Variants in PAM16 observed in about 807,000 individuals in gnomAD.
PAM16 encodes mitochondrial import inner membrane translocase subunit TIM16.
Under a neutral mutation model 17.9 loss-of-function variants are expected in PAM16, and 11 were observed. That is an observed-to-expected ratio of 0.62 (90% confidence interval 0.39 to 1.02). The LOEUF (loss-of-function observed/expected upper bound fraction) is 1.02. Ranked by LOEUF, PAM16 falls within the 50% of genes least tolerant of loss-of-function variation. PAM16 has a pLI of 0.01. For missense variants in PAM16, 199 were observed against 165.4 expected (o/e 1.20, Z -1.11); for synonymous variants, 72 against 67.4 (o/e 1.07, Z -0.34).
At chr16:4,340,444 T>C (rs2053625834) in intron 4 of PAM16, 39 bp from the exon 5 acceptor site, 4 of 1,600,400 alleles carry the variant, frequency 2.5e-6, no homozygotes, top group Non-Finnish European at 3.4e-6. Context: ...AGGCCAAGCC[T>C]CCGCCCCATA....
At chr16:4,350,663 G>A (rs1337536521) in intron 1 of PAM16, among the ~76,000 whole-genome samples, 1 of 152,166 alleles carries the variant, frequency 6.6e-6, no homozygotes, top group African/African-American at 2.4e-5. Context: ...GCCTCCCAGA[G>A]TGCTGGGATT....
rs748313088 is a variant in PAM16, at chr16:4,343,560, G to A, written c.4-269C>T. 529 of 1,404,320 alleles carry A rather than the reference G, an allele frequency of 3.8e-4. 1 individual carries two copies. The highest frequency in any genetic ancestry group is 4.6e-4 in the Non-Finnish European group (503 of 1,085,476). The allele number at this position is 1,404,320 out of a possible 1,614,324, so 87.0% of individuals were successfully genotyped here. On this transcript the variant is annotated intron_variant, in intron 1 of 4. Coordinates refer to ENST00000318059, the MANE Select transcript of PAM16 (RefSeq NM_016069.11). Reference sequence around the variant, plus strand: ...CCCCACCTCATCCTTCAGGAAAGGCGTAGAGGAGCAAGGCAAAGTGGCTGC... The same window carrying A: ...CCCCACCTCATCCTTCAGGAAAGGCATAGAGGAGCAAGGCAAAGTGGCTGC...
chr16:4,345,021 A>G (rs897778440), intron 1 of PAM16, among the ~76,000 whole-genome samples: 1 of 152,044 alleles, frequency 6.6e-6, no homozygotes, highest in African/African-American at 2.4e-5. Context: ...GGCCTGGGAA[A>G]GACTGGGAAT....
intron 1 of PAM16, 21 bp from the exon 2 acceptor site, chr16:4,343,312 C>A: frequency 6.3e-7 from 1 of 1,589,548 alleles, no homozygotes; most frequent in Non-Finnish European, 8.6e-7. Flanking sequence ...AGCAGGCACC[C>A]GGTTAGCAGG....
At chr16:4,341,054 G>A in intron 3 of PAM16, 69 bp from the exon 4 acceptor site, 24 of 1,588,334 alleles carry the variant, frequency 1.5e-5, no homozygotes, top group Non-Finnish European at 1.9e-5. Flanking sequence ...AGGCTATGTG[G>A]GGCCACGTGA....
At chr16:4,349,663 G>C (rs1371219296) in intron 1 of PAM16, among the ~76,000 whole-genome samples, 2 of 152,088 alleles carry the variant, frequency 1.3e-5, no homozygotes, top group African/African-American at 2.4e-5. Flanking sequence ...ACTACTTGGG[G>C]GTCTAAGGTA....
At chr16:4,348,665 T>C (rs2053796317) in intron 1 of PAM16, 1 of 152,282 alleles carries the variant, frequency 6.6e-6, no homozygotes, top group Non-Finnish European at 1.5e-5. Context: ...GCACTTTCTT[T>C]TTTTTTTGGA....
rs1435000577 is a variant in PAM16, at chr16:4,340,270, A to G, written c.*49T>C. The G allele has an allele frequency of 6.4e-7, 1 of 1,556,316 alleles. No individual in the cohort carries two copies. Among genetic ancestry groups the G allele is most frequent in the Non-Finnish European group, 8.8e-7 (1 of 1,139,958 alleles). ...GAGAAATGCAGAAAAGAAATTTATT[A>G]CCAAGCTATAAATTAGAGGCGGCGG... On this transcript the variant is annotated 3_prime_UTR_variant, in exon 5 of 5. Transcript: ENST00000318059.
At chr16:4,342,050 G>C (rs1204608575) in intron 2 of PAM16, among the ~76,000 whole-genome samples, 1 of 152,214 alleles carries the variant, frequency 6.6e-6, no homozygotes, top group Admixed American at 6.5e-5. Flanking sequence ...ATTCAACTCT[G>C]CCTTGAAAGC....
In PAM16 at chr16:4,343,199, A is replaced by G. The variant is rs920008825; in HGVS notation, c.88+8T>C. 8.1e-6 allele frequency: 13 copies of G among 1,612,226 alleles called. No individual in the cohort carries two copies. Among genetic ancestry groups the G allele is most frequent in the Middle Eastern group, 3.3e-4 (2 of 6,062 alleles). ...CCCAGCCCACAGGGGAGACGGACCC[A>G]TGCTTACCTGCAAACTCCTGCCGCA... On this transcript the variant is annotated splice_region_variant and intron_variant, in intron 2 of 4. Transcript: ENST00000318059.
intron 4 of PAM16, 84 bp from the exon 5 acceptor site, chr16:4,340,489 G>C: frequency 6.8e-7 from 1 of 1,473,098 alleles, no homozygotes; most frequent in Non-Finnish European, 9.2e-7. Context: ...ATTCCCATCA[G>C]CCCAGGTCCA....
At chr16:4,346,597 A>G (rs2053763028) in intron 1 of PAM16, 1 of 152,250 alleles carries the variant, frequency 6.6e-6, no homozygotes, top group Non-Finnish European at 1.5e-5. Flanking sequence ...GCAGCAAGGA[A>G]GCAGAACGAG....
At chr16:4,341,341 A>G (rs2053642943) in intron 3 of PAM16, 27 bp downstream of exon 3, 1 of 1,554,908 alleles carries the variant, frequency 6.4e-7, no homozygotes, top group African/African-American at 1.4e-5. Flanking sequence ...CTCCCTCTCA[A>G]ACTTTGGGGT....
At chr16:4,345,798 C>G (rs2053749421) in intron 1 of PAM16, 2 of 981,736 alleles carry the variant, frequency 2.0e-6, no homozygotes, top group Admixed American at 1.2e-4. Context: ...GACTTCGCCT[C>G]CTTCCTAAAG....
intron 4 of PAM16, among the ~76,000 whole-genome samples, 182 bp from the exon 5 acceptor site, chr16:4,340,587 A>G (rs2053628428): frequency 6.6e-6 from 1 of 152,186 alleles, no homozygotes; most frequent in South Asian, 2.1e-4. Context: ...GCTGGGCTGC[A>G]GGGCCCAGCG....
At chr16:4,344,144 C>T in intron 1 of PAM16, 1 of 394,534 alleles carries the variant, frequency 2.5e-6, no homozygotes, top group Non-Finnish European at 4.4e-6. Flanking sequence ...GCGGAAGCAA[C>T]AGAGTCGAGG....
chr16:4,344,127 G>C (rs1375492568), intron 1 of PAM16: 2 of 396,920 alleles, frequency 5.0e-6, no homozygotes, highest in Admixed American at 8.9e-5. Flanking sequence ...GACTCACTAA[G>C]ATGTGAGCGG....
chr16:4,349,171 G>A (rs1273497593), intron 1 of PAM16, among the ~76,000 whole-genome samples: 1 of 149,770 alleles, frequency 6.7e-6, no homozygotes, highest in African/African-American at 2.5e-5. Context: ...TAGCCAGGAT[G>A]GTCTTGATCT....
At chr16:4,344,302 A>G (rs987100530) in intron 1 of PAM16, among the ~76,000 whole-genome samples, 2 of 12,502 alleles carry the variant, frequency 1.6e-4, no homozygotes, top group South Asian at 4.8e-3. Flanking sequence ...GTGTGAGAGG[A>G]GGGGGTTCTG....
Sources: allele counts gnomAD v4.1 joint callset (sites outside exome capture counted in the v4.1 genomes callset), GRCh38; gene constraint gnomAD v4.1.1; transcripts MANE v1.5; gene names NCBI Gene and HGNC (gene_info 2026-07-23, HGNC 2026-07-21).